Variants in DLG2 observed in about 807,000 individuals in gnomAD.
The protein encoded by DLG2 is discs large MAGUK scaffold protein 2.
A neutral mutation model predicts 132.5 loss-of-function variants in DLG2; 45 were observed. The observed-to-expected ratio is 0.34, with a 90% confidence interval of 0.27 to 0.44. The LOEUF is 0.44. Among genes scored for constraint, DLG2 ranks in the 20% least tolerant of loss-of-function variants. DLG2 has a pLI of 1.00. For synonymous variants in DLG2, 424 were observed against 419.6 expected (o/e 1.01, Z -0.13); for missense variants, 1,045 against 1,196.9 (o/e 0.87, Z 1.87).
At chr11:84,869,706 T>C (rs1286890545) in intron 6 of DLG2, among the ~76,000 whole-genome samples, 1 of 152,234 alleles carries the variant, frequency 6.6e-6, no homozygotes, top group African/African-American at 2.4e-5. Flanking sequence ...TTGTCTCTTC[T>C]AGACTATACT....
At chr11:85,187,183 A>G (rs969611765) in intron 4 of DLG2, among the ~76,000 whole-genome samples, 2 of 152,164 alleles carry the variant, frequency 1.3e-5, no homozygotes, top group Admixed American at 6.6e-5. Context: ...GGGGAAATCT[A>G]TAGAATAAAA....
At chr11:83,654,472 A>G (rs2071683156) in intron 18 of DLG2, among the ~76,000 whole-genome samples, 1 of 152,168 alleles carries the variant, frequency 6.6e-6, no homozygotes, top group Admixed American at 6.5e-5. Flanking sequence ...CTGTCTTGAC[A>G]TTCTAACAAA....
rs185651794 is a variant in DLG2, at chr11:85,177,306, C to T, written c.187-22655G>A. On this transcript the variant is annotated intron_variant, in intron 4 of 27. Transcript: ENST00000376104. ...ACATATACACACACACACACACACACACATACATACATACCAGGGAATACT... is the reference window on the plus strand; with the variant it reads ...ACATATACACACACACACACACACATACATACATACATACCAGGGAATACT... Among the ~76,000 whole-genome samples, 13 of 150,712 alleles carry T rather than the reference C, an allele frequency of 8.6e-5. No individual in the cohort carries two copies. The East Asian group carries it at 2.3e-3, about 27-fold the overall frequency.
At chr11:84,361,703 A>G (rs2098650719) in intron 7 of DLG2, among the ~76,000 whole-genome samples, 1 of 152,048 alleles carries the variant, frequency 6.6e-6, no homozygotes, top group South Asian at 2.1e-4. Context: ...TAAGATATAA[A>G]TGACTATTTA....
chr11:83,602,165 T>C (rs2153378805), intron 19 of DLG2, among the ~76,000 whole-genome samples: 1 of 152,330 alleles, frequency 6.6e-6, no homozygotes, highest in Admixed American at 6.5e-5. Flanking sequence ...GTCTTTCTGC[T>C]TTCTGATTTC....
At chr11:84,533,963 G>A (rs553117153) in intron 7 of DLG2, among the ~76,000 whole-genome samples, 2 of 139,926 alleles carry the variant, frequency 1.4e-5, no homozygotes, top group Non-Finnish European at 3.0e-5. Context: ...CAGCCAAGGG[G>A]CATAGAAAAG....
intron 15 of DLG2, among the ~76,000 whole-genome samples, chr11:83,885,112 G>C (rs541280224): frequency 6.6e-6 from 1 of 152,224 alleles, no homozygotes; most frequent in Admixed American, 6.5e-5. Flanking sequence ...ACTTTGACAA[G>C]TTGAGAGAAG....
chr11:83,831,069 A>G (rs1314900417), intron 17 of DLG2, among the ~76,000 whole-genome samples: 1 of 152,224 alleles, frequency 6.6e-6, no homozygotes, highest in African/African-American at 2.4e-5. Context: ...TTTTCATTCG[A>G]TAAACACTTC....
intron 7 of DLG2, among the ~76,000 whole-genome samples, chr11:84,251,938 T>C (rs2097383536): frequency 6.6e-6 from 1 of 152,016 alleles, no homozygotes; most frequent in Non-Finnish European, 1.5e-5. Context: ...GCACTCGACC[T>C]GTATCATTTC....
At chr11:83,726,996 C>T (rs1456666894) in intron 18 of DLG2, among the ~76,000 whole-genome samples, 1 of 152,132 alleles carries the variant, frequency 6.6e-6, no homozygotes, top group African/African-American at 2.4e-5. Flanking sequence ...ATTCTCCCAC[C>T]ATTGCAAAAT....
chr11:85,387,533 C>G (rs1310272299), intron 3 of DLG2, among the ~76,000 whole-genome samples: 1 of 152,148 alleles, frequency 6.6e-6, no homozygotes, highest in Non-Finnish European at 1.5e-5. Context: ...TGGATCCTAG[C>G]CATGTCAGCT....
chr11:84,797,167 T>C (rs190495869), intron 6 of DLG2, among the ~76,000 whole-genome samples: 1 of 152,274 alleles, frequency 6.6e-6, no homozygotes, highest in Non-Finnish European at 1.5e-5. Flanking sequence ...TATTTATCCT[T>C]GACTTTTGGT....
At chr11:83,706,572 C>G (rs2153654440) in intron 18 of DLG2, among the ~76,000 whole-genome samples, 1 of 152,270 alleles carries the variant, frequency 6.6e-6, no homozygotes, top group South Asian at 2.1e-4. Context: ...TCATTTTGAG[C>G]AGTGATCCTG....
Position 85,565,127 on chromosome 11 carries a change from C to T in DLG2, c.40+33530G>A, listed in dbSNP as rs983043616. ...TTCATGAGCATTTTTGTAGATTCCA[C>T]AGGATTTTCTACAAAACTAATTATG... On this transcript the variant is annotated intron_variant, in intron 3 of 27. Coordinates refer to ENST00000376104, the MANE Select transcript of DLG2 (RefSeq NM_001142699.3). Among the ~76,000 whole-genome samples, 9 of 152,014 alleles carry T rather than the reference C, an allele frequency of 5.9e-5. No homozygotes were observed. The East Asian group carries it at 1.2e-3, about 20-fold the overall frequency.
At chr11:84,614,265 G>C (rs917176259) in intron 6 of DLG2, among the ~76,000 whole-genome samples, 1 of 152,160 alleles carries the variant, frequency 6.6e-6, no homozygotes, top group African/African-American at 2.4e-5. Flanking sequence ...TTGGGAAAAT[G>C]AGTATCTTTA....
chr11:85,462,244 G>A (rs1476784434), intron 3 of DLG2, among the ~76,000 whole-genome samples: 1 of 152,170 alleles, frequency 6.6e-6, no homozygotes, highest in East Asian at 1.9e-4. Flanking sequence ...TCAGTGTGGC[G>A]ATTCCTCAGG....
At chr11:85,469,084 G>A (rs970557958) in intron 3 of DLG2, among the ~76,000 whole-genome samples, 1 of 152,084 alleles carries the variant, frequency 6.6e-6, no homozygotes, top group Non-Finnish European at 1.5e-5. Flanking sequence ...TCTTCCAATC[G>A]GGCAAGTCAA....
chr11:83,660,916 T>A (rs2074097413), intron 18 of DLG2, among the ~76,000 whole-genome samples: 1 of 152,098 alleles, frequency 6.6e-6, no homozygotes, highest in Non-Finnish European at 1.5e-5. Context: ...AATAATAATA[T>A]CCACAACCCT....
chr11:85,520,338 T>C (rs2074195923), intron 3 of DLG2, among the ~76,000 whole-genome samples: 1 of 151,848 alleles, frequency 6.6e-6, no homozygotes, highest in Non-Finnish European at 1.5e-5. Flanking sequence ...ATGAAGGAAA[T>C]AAAAGAGAAC....
Sources: allele counts gnomAD v4.1 joint callset (sites outside exome capture counted in the v4.1 genomes callset), GRCh38; gene constraint gnomAD v4.1.1; transcripts MANE v1.5; gene names NCBI Gene and HGNC (gene_info 2026-07-23, HGNC 2026-07-21).